The following HLCS variants were observed in gnomAD, a reference collection of about 807,000 sequenced individuals.
HLCS encodes holocarboxylase synthetase, also known as biotin--protein ligase.
In HLCS, 53 loss-of-function variants were observed where a neutral mutation model predicts 75.0. That is an observed-to-expected ratio of 0.71 (90% CI 0.57 to 0.89). The LOEUF (loss-of-function observed/expected upper bound fraction) is 0.89, where lower values mean the gene tolerates loss of function less well. Among genes scored for constraint, HLCS ranks in the 40% least tolerant of loss-of-function variants. The pLI is 0.00. For missense variants in HLCS, 966 were observed against 1,074.0 expected, an observed-to-expected ratio of 0.90 and a Z score of 1.41; for synonymous variants, 431 against 428.6, an observed-to-expected ratio of 1.01 and a Z score of -0.07.
chr21:36,960,514 G>C (rs2068236238), intron 2 of HLCS, among the ~76,000 whole-genome samples: 1 of 152,198 alleles, frequency 6.6e-6, no homozygotes, highest in African/African-American at 2.4e-5. Flanking sequence ...TCTGCCTGAT[G>C]CTCTGCCCGC....
At position 36,947,919 on chromosome 21, in the gene HLCS, C is replaced by T. The variant is rs542435802; in HGVS notation, c.331-8925G>A. The T allele has an allele frequency of 4.0e-5, 39 of 985,386 alleles. 1 individual carries two copies. The African/African-American group carries it at 5.9e-4, about 15-fold the overall frequency. 61.0% of individuals were successfully genotyped at this position (985,386 alleles called of 1,614,324 possible). On this transcript the variant is annotated intron_variant, in intron 2 of 10. Transcript: ENST00000674895. ...TCTTGTTTCTCCTCTTCCAAATCAT[C>T]TTAATTCAACGTGAAATTGTTAAAA...
intron 6 of HLCS, among the ~76,000 whole-genome samples, chr21:36,881,608 G>T (rs1031623157): frequency 3.9e-5 from 6 of 152,226 alleles, no homozygotes; most frequent in African/African-American, 1.4e-4. Flanking sequence ...CAGATCATAT[G>T]AAATCCCCAT....
chr21:36,882,140 G>A (rs539526686), intron 6 of HLCS, among the ~76,000 whole-genome samples: 1 of 151,304 alleles, frequency 6.6e-6, no homozygotes, highest in East Asian at 2.0e-4. Context: ...AAATTAGCCG[G>A]GCGTGGTGGC....
intron 5 of HLCS, among the ~76,000 whole-genome samples, chr21:36,920,685 A>C (rs1369413432): frequency 6.6e-6 from 1 of 152,300 alleles, no homozygotes; most frequent in East Asian, 1.9e-4. Flanking sequence ...AAAATTTTTA[A>C]AGCCGTCTAC....
In HLCS at chr21:36,864,175, G is replaced by A. The variant is rs556217115; in HGVS notation, c.1892+32685C>T. Among the ~76,000 whole-genome samples, 7 of 152,202 alleles carry A rather than the reference G, an allele frequency of 4.6e-5. No homozygotes were observed. In the South Asian group the frequency reaches 1.0e-3, roughly 23 times the overall value. On this transcript the variant is annotated intron_variant, in intron 6 of 10. Coordinates refer to ENST00000674895, the MANE Select transcript of HLCS (RefSeq NM_001352514.2). ...AGCACTTTGGGAGGCTGAGGCGGGCGGATCACTTGAGGTCAGGAGTTTGAG... is the reference window on the plus strand; with the variant it reads ...AGCACTTTGGGAGGCTGAGGCGGGCAGATCACTTGAGGTCAGGAGTTTGAG...
At chr21:36,963,412 G>A (rs1193067571) in intron 1 of HLCS, among the ~76,000 whole-genome samples, 1 of 152,148 alleles carries the variant, frequency 6.6e-6, no homozygotes, top group Non-Finnish European at 1.5e-5. Flanking sequence ...TGAAAATTTA[G>A]GGGAGAATTT....
At chr21:36,957,676 C>T (rs1341911418) in intron 2 of HLCS, among the ~76,000 whole-genome samples, 2 of 152,174 alleles carry the variant, frequency 1.3e-5, no homozygotes, top group African/African-American at 2.4e-5. Flanking sequence ...TGGCTCATGC[C>T]TGTAATCCCA....
intron 6 of HLCS, among the ~76,000 whole-genome samples, chr21:36,796,268 T>C (rs1028911215): frequency 1.3e-5 from 2 of 152,212 alleles, no homozygotes; most frequent in Admixed American, 1.3e-4. Context: ...TTGTTTATCC[T>C]AGAAATGCAA....
At chr21:36,846,164 C>G (rs1264743215) in intron 6 of HLCS, among the ~76,000 whole-genome samples, 4 of 151,910 alleles carry the variant, frequency 2.6e-5, no homozygotes, top group Non-Finnish European at 5.9e-5. Context: ...AATTTAGTTT[C>G]CTAAAGTTGA....
chr21:36,809,193 A>G (rs939590132), intron 6 of HLCS, among the ~76,000 whole-genome samples: 9 of 151,766 alleles, frequency 5.9e-5, no homozygotes, highest in Non-Finnish European at 4.4e-5. Flanking sequence ...CAACCTGGGC[A>G]ACAGAGCGAG....
chr21:36,861,455 G>C (rs932969337), intron 6 of HLCS, among the ~76,000 whole-genome samples: 2 of 152,078 alleles, frequency 1.3e-5, no homozygotes, highest in Non-Finnish European at 2.9e-5. Flanking sequence ...AGGCAAACTC[G>C]TGTCAGAGGT....
chr21:36,778,181 G>A (rs887221146), intron 6 of HLCS, among the ~76,000 whole-genome samples: 3 of 152,166 alleles, frequency 2.0e-5, no homozygotes, highest in East Asian at 1.9e-4. Context: ...ATGTTAGCCA[G>A]GATGGTCTTG....
At chr21:36,807,053 G>A (rs1011608427) in intron 6 of HLCS, among the ~76,000 whole-genome samples, 1 of 152,324 alleles carries the variant, frequency 6.6e-6, no homozygotes, top group Admixed American at 6.5e-5. Context: ...CAGAGCTGGG[G>A]GTAGGGAGAA....
At chr21:36,836,097 G>A (rs918969325) in intron 6 of HLCS, among the ~76,000 whole-genome samples, 5 of 151,666 alleles carry the variant, frequency 3.3e-5, no homozygotes, top group African/African-American at 7.3e-5. Context: ...GCTTGTATTC[G>A]TAGCAGAGTC....
Position 36,841,960 on chromosome 21 carries a change from AC to A in HLCS, c.1892+54899del, listed in dbSNP as rs1402115372. 2.0e-5 allele frequency among the ~76,000 whole-genome samples: 3 copies of A among 152,160 alleles called. No homozygotes were observed. In the East Asian group the frequency reaches 5.8e-4, roughly 29 times the overall value. On this transcript the variant is annotated intron_variant, in intron 6 of 10. Transcript: ENST00000674895. The stretch of plus-strand genomic sequence containing the variant: ...AAGGCTGACATATGCATACCTCACA[AC>A]CCAGCAATTCTACTCCTGGGTATAC...
At position 36,880,120 on chromosome 21, in the gene HLCS, G is replaced by T. The variant is rs1021402200; in HGVS notation, c.1892+16740C>A. 4.5e-4 allele frequency among the ~76,000 whole-genome samples: 68 copies of T among 152,112 alleles called. 1 individual carries two copies. The highest frequency in any genetic ancestry group is 2.1e-4 in the South Asian group (1 of 4,820). On this transcript the variant is annotated intron_variant, in intron 6 of 10. Transcript: ENST00000674895. ...GTCAAATCCCTCATTCGTTTCCAAT[G>T]ATGACAACATGGTGCTGGAAACATT...
intron 6 of HLCS, among the ~76,000 whole-genome samples, chr21:36,769,738 T>C (rs1433893887): frequency 1.3e-5 from 2 of 152,232 alleles, no homozygotes; most frequent in Non-Finnish European, 2.9e-5. Context: ...CCACTTTGGT[T>C]ACTAAGGACA....
At chr21:36,980,839 G>C (rs2069101830) in intron 1 of HLCS, 4 of 152,636 alleles carry the variant, frequency 2.6e-5, no homozygotes, top group Admixed American at 2.6e-4. Flanking sequence ...TCCTGCCCGC[G>C]CCCCAGCCCC....
intron 6 of HLCS, among the ~76,000 whole-genome samples, chr21:36,851,572 T>C (rs1473320324): frequency 6.6e-6 from 1 of 151,994 alleles, no homozygotes; most frequent in Non-Finnish European, 1.5e-5. Flanking sequence ...GGGGACAAAA[T>C]AGTAGTTAGA....
Sources: gnomAD v4.1 joint callset for allele counts (sites outside exome capture counted in the v4.1 genomes callset) on GRCh38, gnomAD v4.1.1 for gene constraint, MANE v1.5 for transcripts, NCBI Gene and HGNC (gene_info 2026-07-23, HGNC 2026-07-21) for gene names.